The following COL22A1 variants were observed in gnomAD, a reference collection of about 807,000 sequenced individuals.
COL22A1 encodes the protein collagen type XXII alpha 1 chain, also known as collagen alpha-1(XXII) chain.
COL22A1 carries 221 observed loss-of-function variants against 248.9 expected under a neutral mutation model. The observed-to-expected ratio is 0.89, with a 90% CI of 0.80 to 0.99. The LOEUF is 0.99. Among genes scored for constraint, COL22A1 ranks in the 50% least tolerant of loss-of-function variants. The pLI, the probability that COL22A1 is intolerant of heterozygous loss-of-function variation, is 0.00. For missense variants in COL22A1, 2,240 were observed against 2,179.0 expected (o/e 1.03, Z -0.56); for synonymous variants, 891 against 793.4 (o/e 1.12, Z -2.07).
chr8:138,805,746 G>T (rs62645396), intron 10 of COL22A1, among the ~76,000 whole-genome samples: 1 of 145,266 alleles, frequency 6.9e-6, no homozygotes, highest in African/African-American at 2.6e-5. Context: ...ATATGTGATG[G>T]TGTGTGTGTG....
At chr8:138,803,018 T>G in intron 10 of COL22A1, 84 bp from the exon 11 acceptor site, 1 of 1,064,412 alleles carries the variant, frequency 9.4e-7, no homozygotes, top group African/African-American at 1.5e-5. Context: ...CGGCCAACCT[T>G]GCTCCAATTC....
intron 4 of COL22A1, among the ~76,000 whole-genome samples, chr8:138,842,459 C>G: frequency 6.6e-6 from 1 of 152,128 alleles, no homozygotes. Flanking sequence ...TAAGAATTTG[C>G]TTTGAAGACG....
intron 7 of COL22A1, among the ~76,000 whole-genome samples, chr8:138,819,708 T>G (rs1586821734): frequency 6.7e-6 from 1 of 148,346 alleles, no homozygotes; most frequent in South Asian, 2.1e-4. Context: ...GTTTATATAA[T>G]GTTTATATAT....
chr8:138,604,769 C>A lies in COL22A1; in HGVS notation c.4105G>T (p.Gly1369Ter). 6.2e-7 allele frequency: 1 copy of A among 1,611,996 alleles called. No homozygotes were observed. The highest frequency in any genetic ancestry group is 1.1e-5 in the South Asian group (1 of 90,384). ...GGGACTCCTTTCTCTCCTGGTTCTC[C>A]CTGGAAAACAGAACAGAATATCAGT... is the stretch of plus-strand genomic sequence containing the variant. Reference protein sequence around the residue: ...PGFLGPRGPPGEPGEKGVPGK... With the variant: ...PGFLGPRGPP Residue 1369 changes from glycine to a stop codon, truncating the protein, a stop_gained and splice_region_variant, in exon 59 of 65, where the codon GGA becomes TGA. Coordinates refer to ENST00000303045, the MANE Select transcript of COL22A1 (RefSeq NM_152888.3). LOFTEE classifies it high-confidence loss of function.
At chr8:138,909,042 C>G (rs4736204) in intron 1 of COL22A1, among the ~76,000 whole-genome samples, 2 of 152,070 alleles carry the variant, frequency 1.3e-5, no homozygotes, top group South Asian at 2.1e-4. Context: ...CTGTGATAGA[C>G]GTACTGCAGC....
intron 5 of COL22A1, among the ~76,000 whole-genome samples, chr8:138,830,602 C>T (rs772984938): frequency 2.6e-4 from 39 of 152,330 alleles, no homozygotes; most frequent in Non-Finnish European, 5.1e-4. Context: ...TGACCGGAAT[C>T]GGGGTCCCAT....
rs746724914 is a variant in COL22A1, at chr8:138,720,773, C to T, written c.2321G>A (p.Gly774Glu). Residue 774 changes from glycine (G) to glutamate (E), a missense_variant, in exon 27 of 65, where the codon GGG becomes GAG. By Grantham distance (98) the Gly-to-Glu change is moderately conservative (BLOSUM62 -2). Transcript: ENST00000303045. ...PGTKGEPGER[G>E]EDGLPGKPGL... The stretch of plus-strand genomic sequence containing the variant: ...TGGTTTTCCAGGCAGACCATCTTCC[C>T]CTCTTTCTCCTGGTTCTCCCTGGAA... The T allele has an allele frequency of 1.9e-6, 3 of 1,613,932 alleles. No individual in the cohort carries two copies. The highest frequency in any genetic ancestry group is 2.5e-6 in the Non-Finnish European group (3 of 1,179,842).
chr8:138,813,745 A>G (rs10481408), intron 7 of COL22A1, among the ~76,000 whole-genome samples: 112,944 of 150,704 alleles, frequency 0.75, 42,601 homozygotes, highest in Middle Eastern at 0.8. Context: ...TTTGTTCTAC[A>G]CTGAAGGTGC....
At chr8:138,840,879 T>C (rs1018218712) in intron 4 of COL22A1, among the ~76,000 whole-genome samples, 1 of 152,170 alleles carries the variant, frequency 6.6e-6, no homozygotes, top group Admixed American at 6.5e-5. Flanking sequence ...CCCAAAGCTC[T>C]AGTATCACAG....
chr8:138,636,746 T>C lies in COL22A1; in HGVS notation c.3551A>G (p.Asp1184Gly). Reference sequence around the variant, plus strand: ...CCTTATAAAGTAAATTTTTACCTGATCACCTTTCTGCCCAACCTCACCATC... The same window carrying C: ...CCTTATAAAGTAAATTTTTACCTGACCACCTTTCTGCCCAACCTCACCATC... ...GADGEVGQKG[D>G]QGHPGVPGFM... Residue 1184 changes from aspartate to glycine, a missense_variant, in exon 48 of 65, where the codon GAT becomes GGT. Transcript: ENST00000303045. 1 of 1,612,682 alleles carries C rather than the reference T, an allele frequency of 6.2e-7. No individual in the cohort carries two copies. Among genetic ancestry groups the C allele is most frequent in the Non-Finnish European group, 8.5e-7 (1 of 1,178,788 alleles).
chr8:138,702,455 G>A (rs1454738066), intron 31 of COL22A1, among the ~76,000 whole-genome samples: 1 of 152,004 alleles, frequency 6.6e-6, no homozygotes, highest in Non-Finnish European at 1.5e-5. Context: ...GAGTGCACAG[G>A]CTCTCTCCTC....
At chr8:138,909,250 A>T (rs1815257793) in intron 1 of COL22A1, among the ~76,000 whole-genome samples, 1 of 152,252 alleles carries the variant, frequency 6.6e-6, no homozygotes, top group Admixed American at 6.5e-5. Flanking sequence ...GTTGCTACAT[A>T]TTGGCACAAT....
chr8:138,685,106 G>A (rs1456026342), intron 38 of COL22A1, 102 bp downstream of exon 38: 20 of 838,494 alleles, frequency 2.4e-5, no homozygotes, highest in African/African-American at 5.1e-5. Flanking sequence ...CATTGGCCAC[G>A]GTTCAATTTC....
chr8:138,757,006 G>T (rs945256910), intron 18 of COL22A1, among the ~76,000 whole-genome samples: 3 of 152,156 alleles, frequency 2.0e-5, no homozygotes, highest in Non-Finnish European at 2.9e-5. Flanking sequence ...TCTCTATTCT[G>T]TTTTATTCTC....
chr8:138,763,831 G>T (rs1374770926), intron 16 of COL22A1, among the ~76,000 whole-genome samples: 1 of 152,120 alleles, frequency 6.6e-6, no homozygotes, highest in Non-Finnish European at 1.5e-5. Context: ...TTCGGCTGCA[G>T]CATGGTCTCA....
intron 3 of COL22A1, among the ~76,000 whole-genome samples, chr8:138,868,653 C>T (rs950917146): frequency 1.3e-5 from 2 of 152,064 alleles, no homozygotes; most frequent in Non-Finnish European, 2.9e-5. Context: ...TCAGGGCCAT[C>T]ACTGTATCAA....
intron 64 of COL22A1, among the ~76,000 whole-genome samples, chr8:138,590,776 T>G (rs1425716384): frequency 6.6e-6 from 1 of 152,234 alleles, no homozygotes; most frequent in Admixed American, 6.5e-5. Context: ...TGATTATTGC[T>G]GCATTGCAGA....
chr8:138,647,019 G>A (rs1822261420), intron 46 of COL22A1, among the ~76,000 whole-genome samples: 1 of 152,232 alleles, frequency 6.6e-6, no homozygotes, highest in Non-Finnish European at 1.5e-5. Flanking sequence ...GGACATGGCA[G>A]AAGTGATGGT....
chr8:138,595,005 C>T (rs1296750059), intron 62 of COL22A1, among the ~76,000 whole-genome samples: 4 of 152,154 alleles, frequency 2.6e-5, no homozygotes, highest in Non-Finnish European at 5.9e-5. Context: ...GATATATGCA[C>T]ATCTGGTGGC....
Sources: allele counts gnomAD v4.1 joint callset (sites outside exome capture counted in the v4.1 genomes callset), GRCh38; gene constraint gnomAD v4.1.1; transcripts MANE v1.5; gene names NCBI Gene and HGNC (gene_info 2026-07-23, HGNC 2026-07-21).